Variants in DELE1 observed in about 807,000 individuals in gnomAD.
The protein encoded by DELE1 is DAP3 binding cell death enhancer 1.
A neutral mutation model predicts 59.3 loss-of-function variants in DELE1; 54 were observed. That is an observed-to-expected ratio of 0.91 (90% CI 0.73 to 1.14). The LOEUF is 1.14. DELE1 is among the 50% of genes most tolerant of loss of function. The pLI is 0.00. For missense variants in DELE1, 636 were observed against 643.9 expected, an observed-to-expected ratio of 0.99 and a Z score of 0.13; for synonymous variants, 264 against 259.1, an observed-to-expected ratio of 1.02 and a Z score of -0.18.
rs1300533293 is a variant in DELE1 at position 141,940,799 on chromosome 5, G to A, written c.*2040G>A. Reference sequence around the variant, plus strand: ...GCACTGAGTGCAAGGCCCCATGCAGGGTAGGAAACCTGAGGTTTCAAGCTC... The same window carrying A: ...GCACTGAGTGCAAGGCCCCATGCAGAGTAGGAAACCTGAGGTTTCAAGCTC... On this transcript the variant is annotated 3_prime_UTR_variant, in exon 12 of 12. Coordinates refer to ENST00000432126, the MANE Select transcript of DELE1 (RefSeq NM_014773.5). 9 of 985,134 alleles carry A rather than the reference G, an allele frequency of 9.1e-6. No homozygotes were observed. The Admixed American group carries it at 4.3e-4, about 47-fold the overall frequency. The allele number at this position is 985,134 out of a possible 1,614,324, so 61.0% of individuals were successfully genotyped here.
At position 141,939,576 on chromosome 5, in the gene DELE1, G is replaced by A. The variant is rs752937455; in HGVS notation, c.*817G>A. ...CAGAACTTCTCACCTCAGCCCTAAA[G>A]AGGGAGCCTGTGGGTTCTCAGAGAG... On this transcript the variant is annotated 3_prime_UTR_variant, in exon 12 of 12. Transcript: ENST00000432126. 1.0e-4 allele frequency: 103 copies of A among 985,734 alleles called. No individual in the cohort carries two copies. Among genetic ancestry groups the A allele is most frequent in the Non-Finnish European group, 1.2e-4 (99 of 829,960 alleles). 61.1% of individuals were successfully genotyped at this position (985,734 alleles called of 1,614,324 possible).
chr5:141,927,137 C>G (rs1446272923), intron 3 of DELE1, among the ~76,000 whole-genome samples: 40 of 152,186 alleles, frequency 2.6e-4, no homozygotes. Flanking sequence ...TTTCTAAACA[C>G]AAGATATAAA....
chr5:141,936,418 A>T (rs1561521595), intron 10 of DELE1, among the ~76,000 whole-genome samples: 1 of 152,062 alleles, frequency 6.6e-6, no homozygotes, highest in Non-Finnish European at 1.5e-5. Context: ...GGCAAAGAGC[A>T]TAGCGTTTTT....
rs114732558 is a variant in DELE1 at position 141,941,136 on chromosome 5, C to G, written c.*2377C>G. On this transcript the variant is annotated 3_prime_UTR_variant, in exon 12 of 12. Transcript: ENST00000432126. ...GAGCCCCACTCCCCAGCCTCCTCCC[C>G]TCTGTGGTCATTTTGGATTTTCTGA... is the stretch of plus-strand genomic sequence containing the variant. The G allele has an allele frequency of 2.0e-6, 2 of 985,374 alleles. No individual in the cohort carries two copies. The highest frequency in any genetic ancestry group is 1.7e-5 in the African/African-American group (1 of 57,222). 61.0% of individuals were successfully genotyped at this position (985,374 alleles called of 1,614,324 possible).
intron 11 of DELE1, 55 bp from the exon 12 acceptor site, chr5:141,938,466 T>C: frequency 6.4e-7 from 1 of 1,572,196 alleles, no homozygotes; most frequent in Non-Finnish European, 8.6e-7. Flanking sequence ...GGCTCCAAAG[T>C]AGGAGTCCAA....
At chr5:141,936,805 A>G in intron 10 of DELE1, 1 of 866,374 alleles carries the variant, frequency 1.2e-6, no homozygotes, top group Non-Finnish European at 1.4e-6. Context: ...AGGAAGGCAC[A>G]GGGCCTTTGG....
intron 7 of DELE1, 143 bp from the exon 8 acceptor site, chr5:141,933,116 A>G (rs1752066964): frequency 1.3e-5 from 2 of 152,778 alleles, no homozygotes; most frequent in Non-Finnish European, 2.6e-5. Context: ...AAAAAAATAT[A>G]TATATATATA....
Position 141,937,042 on chromosome 5 carries a change from A to G in DELE1, c.1150-156A>G, listed in dbSNP as rs1459117958. The G allele has an allele frequency of 1.1e-5, 17 of 1,498,058 alleles. No individual in the cohort carries two copies. In the South Asian group the frequency reaches 2.3e-4, roughly 20 times the overall value. The allele number at this position is 1,498,058 out of a possible 1,614,324, so 92.8% of individuals were successfully genotyped here. ...GAGCTCTGAGCCTCTGGCATTTCGT[A>G]GTTGAGATCCCTTGCTATGGGGCGG... On this transcript the variant is annotated intron_variant, in intron 10 of 11. Coordinates refer to ENST00000432126, the MANE Select transcript of DELE1 (RefSeq NM_014773.5).
rs1316078452 is a variant in DELE1, at chr5:141,939,061, G to C, written c.*302G>C. On this transcript the variant is annotated 3_prime_UTR_variant, in exon 12 of 12. Transcript: ENST00000432126. ...GACCCTGGTGCTCACCTTAGCCTTT[G>C]TCTTTGAGCAAATAACTTACCTTCT... is the stretch of plus-strand genomic sequence containing the variant. The C allele has an allele frequency of 2.0e-5, 22 of 1,125,178 alleles. No individual in the cohort carries two copies. Among genetic ancestry groups the C allele is most frequent in the Non-Finnish European group, 2.1e-5 (19 of 918,448 alleles). 69.7% of individuals were successfully genotyped at this position (1,125,178 alleles called of 1,614,324 possible).
rs1294340412 is a variant in DELE1, at chr5:141,941,825, T to C, written c.*3066T>C. The C allele has an allele frequency of 3.0e-6, 3 of 985,380 alleles. No individual in the cohort carries two copies. The highest frequency in any genetic ancestry group is 3.6e-6 in the Non-Finnish European group (3 of 829,932). The allele number at this position is 985,380 out of a possible 1,614,324, so 61.0% of individuals were successfully genotyped here. ...CATTCAACAAATAAGTGAGTGATTA[T>C]ACTCAACTCCCCCCACCCAATGCCC... On this transcript the variant is annotated 3_prime_UTR_variant, in exon 12 of 12. Transcript: ENST00000432126.
At chr5:141,925,131 A>C (rs1012195807) in intron 2 of DELE1, among the ~76,000 whole-genome samples, 1 of 151,500 alleles carries the variant, frequency 6.6e-6, no homozygotes, top group African/African-American at 2.4e-5. Context: ...GGGTTTCACC[A>C]TGTTAGCCAG....
chr5:141,926,983 C>T lies in DELE1; in HGVS notation c.265-1168C>T, dbSNP rs1055957105. ...CCTTTTCTTCTGGCCTTAGCCCACA[C>T]GTCACCCCCACAGACAGGCTTTCCC... is the stretch of plus-strand genomic sequence containing the variant. On this transcript the variant is annotated intron_variant, in intron 3 of 11. Transcript: ENST00000432126. Among the ~76,000 whole-genome samples the T allele has an allele frequency of 3.9e-5, 6 of 152,352 alleles. No individual in the cohort carries two copies. In the South Asian group the frequency reaches 6.2e-4, roughly 16 times the overall value.
rs1204043656 is a variant in DELE1, at chr5:141,941,638, C to T, written c.*2879C>T. On this transcript the variant is annotated 3_prime_UTR_variant, in exon 12 of 12. Coordinates refer to ENST00000432126, the MANE Select transcript of DELE1 (RefSeq NM_014773.5). ...GGATGCTGGGTTAAAGCCCGGCGCCCTCACCAATGAGACCTTTGTGGGAAG... is the reference window on the plus strand; with the variant it reads ...GGATGCTGGGTTAAAGCCCGGCGCCTTCACCAATGAGACCTTTGTGGGAAG... The T allele has an allele frequency of 6.2e-5, 61 of 985,302 alleles. No homozygotes were observed. Among genetic ancestry groups the T allele is most frequent in the Non-Finnish European group, 7.0e-5 (58 of 829,956 alleles). 61.0% of individuals were successfully genotyped at this position (985,302 alleles called of 1,614,324 possible).
chr5:141,938,605 G>A lies in DELE1; in HGVS notation c.1394G>A (p.Gly465Glu). The change falls in exon 12 of 12, where the codon GGA becomes GAA. Residue 465 changes from glycine (G) to glutamate (E), a missense_variant. Transcript: ENST00000432126. ...TGCAGCTTGAACACCCTGCTAGCAG[G>A]AACCTCACGCCTACCACATGCCTCG... ...SLCSLNTLLA[G>E]TSRLPHASST... 6.2e-7 allele frequency: 1 copy of A among 1,614,088 alleles called. No homozygotes were observed. The highest frequency in any genetic ancestry group is 8.5e-7 in the Non-Finnish European group (1 of 1,180,026).
chr5:141,941,933 T>C lies in DELE1; in HGVS notation c.*3174T>C. The C allele has an allele frequency of 1.0e-6, 1 of 985,354 alleles. No individual in the cohort carries two copies. Among genetic ancestry groups the C allele is most frequent in the South Asian group, 4.7e-5 (1 of 21,284 alleles). 61.0% of individuals were successfully genotyped at this position (985,354 alleles called of 1,614,324 possible). A position where few individuals can be genotyped will look rare whatever the true frequency, so the allele number is the denominator to read the frequency against. On this transcript the variant is annotated 3_prime_UTR_variant, in exon 12 of 12. Transcript: ENST00000432126. The stretch of plus-strand genomic sequence containing the variant: ...TAAATAACTTGAATGAATAATTCTG[T>C]ATTGCCCCCCACTCGCCGCCTATAC...
In DELE1 at chr5:141,938,844, C is replaced by A. The variant is rs999875989; in HGVS notation, c.*85C>A. ...TAACAAAAATAGAGCATCAGCAACCCTTTCCAGGTAGAAATTCCAGCGGGA... is the reference window on the plus strand; with the variant it reads ...TAACAAAAATAGAGCATCAGCAACCATTTCCAGGTAGAAATTCCAGCGGGA... On this transcript the variant is annotated 3_prime_UTR_variant, in exon 12 of 12. Transcript: ENST00000432126. The A allele has an allele frequency of 5.3e-6, 8 of 1,503,036 alleles. No individual in the cohort carries two copies. In the African/African-American group the frequency reaches 1.1e-4, roughly 21 times the overall value. 93.1% of individuals were successfully genotyped at this position (1,503,036 alleles called of 1,614,324 possible).
At chr5:141,928,104 G>T in intron 3 of DELE1, 47 bp from the exon 4 acceptor site, 1 of 1,580,356 alleles carries the variant, frequency 6.3e-7, no homozygotes, top group South Asian at 1.2e-5. Flanking sequence ...GGGTCTGATG[G>T]AGTTGATTGG....
At chr5:141,934,711 G>A (rs1752223781) in intron 10 of DELE1, 125 bp downstream of exon 10, 1 of 910,562 alleles carries the variant, frequency 1.1e-6, no homozygotes, top group Admixed American at 2.2e-5. Flanking sequence ...CTGGCTTCAA[G>A]CCTTAGCGCT....
At position 141,940,171 on chromosome 5, in the gene DELE1, A is replaced by T. The variant is rs1752652087; in HGVS notation, c.*1412A>T. On this transcript the variant is annotated 3_prime_UTR_variant, in exon 12 of 12. Transcript: ENST00000432126. Reference sequence around the variant, plus strand: ...TATCTCATCACTCTTGCCCTTGAGTATTATGGGAAGAGCCAGGGAGACGGG... The same window carrying T: ...TATCTCATCACTCTTGCCCTTGAGTTTTATGGGAAGAGCCAGGGAGACGGG... The T allele has an allele frequency of 9.1e-6, 9 of 985,410 alleles. No individual in the cohort carries two copies. The highest frequency in any genetic ancestry group is 9.6e-6 in the Non-Finnish European group (8 of 829,934). 61.0% of individuals were successfully genotyped at this position (985,410 alleles called of 1,614,324 possible).
Sources: allele counts gnomAD v4.1 joint callset (sites outside exome capture counted in the v4.1 genomes callset), GRCh38; gene constraint gnomAD v4.1.1; transcripts MANE v1.5; gene names NCBI Gene and HGNC (gene_info 2026-07-23, HGNC 2026-07-21).